The following RBFOX1 variants were observed in gnomAD, a reference collection of about 807,000 sequenced individuals.
RBFOX1 encodes RNA binding protein fox-1 homolog 1.
In RBFOX1, 8 loss-of-function variants were observed where a neutral mutation model predicts 57.7. The ratio of observed to expected loss-of-function variants is 0.14; its 90% confidence interval spans 0.08 to 0.25. RBFOX1 has a LOEUF of 0.25. Ranked by LOEUF, RBFOX1 falls within the 10% of genes least tolerant of loss-of-function variation. The probability of loss-of-function intolerance (pLI) is 1.00; values close to 1 mark genes in which losing one functional copy is unlikely to be tolerated. For missense variants in RBFOX1, 611 were observed against 548.5 expected (o/e 1.11, Z -1.14); for synonymous variants, 326 against 222.4 (o/e 1.47, Z -4.15).
At chr16:7,595,191 T>G (rs1190402602) in intron 7 of RBFOX1, among the ~76,000 whole-genome samples, 1 of 152,208 alleles carries the variant, frequency 6.6e-6, no homozygotes. Context: ...AGTGGTTCCC[T>G]TTTCTTTTCC....
chr16:5,812,654 C>T (rs1034352290), intron 3 of RBFOX1, among the ~76,000 whole-genome samples: 9 of 152,054 alleles, frequency 5.9e-5, no homozygotes, highest in Non-Finnish European at 1.3e-4. Flanking sequence ...TAGACCCGGG[C>T]TCTCCCTCTG....
chr16:6,408,669 T>G (rs1406051929), intron 2 of RBFOX1, among the ~76,000 whole-genome samples: 2 of 152,204 alleles, frequency 1.3e-5, no homozygotes, highest in Non-Finnish European at 2.9e-5. Context: ...ACCGTAGTGT[T>G]ATGTTGTCTG....
chr16:6,636,844 A>T (rs1289048632), intron 2 of RBFOX1, among the ~76,000 whole-genome samples: 25 of 71,788 alleles, frequency 3.5e-4, no homozygotes, highest in African/African-American at 7.6e-4. Flanking sequence ...ATAATATATA[A>T]TATATATAAT....
chr16:6,897,684 T>C (rs1039648652), intron 3 of RBFOX1, among the ~76,000 whole-genome samples: 8 of 151,962 alleles, frequency 5.3e-5, no homozygotes, highest in Admixed American at 1.3e-4. Flanking sequence ...TCACAGCCAG[T>C]TGGGAGCCTG....
At chr16:7,642,059 G>A (rs1039861806) in intron 11 of RBFOX1, among the ~76,000 whole-genome samples, 8 of 152,168 alleles carry the variant, frequency 5.3e-5, no homozygotes, top group Non-Finnish European at 7.3e-5. Context: ...AGATTGCAGT[G>A]ATCCATGACC....
intron 3 of RBFOX1, among the ~76,000 whole-genome samples, chr16:6,760,952 T>A (rs2076517428): frequency 6.6e-6 from 1 of 152,198 alleles, no homozygotes; most frequent in Non-Finnish European, 1.5e-5. Context: ...CGGACTGTAA[T>A]GGAGAGATCT....
chr16:7,392,231 G>T (rs1195051959), intron 4 of RBFOX1, among the ~76,000 whole-genome samples: 4 of 152,028 alleles, frequency 2.6e-5, no homozygotes, highest in African/African-American at 7.2e-5. Flanking sequence ...TTTCATGGAA[G>T]CCCTCCCTCC....
At chr16:7,641,897 G>C (rs551675356) in intron 11 of RBFOX1, among the ~76,000 whole-genome samples, 1 of 152,228 alleles carries the variant, frequency 6.6e-6, no homozygotes, top group African/African-American at 2.4e-5. Context: ...AGGCGTTACA[G>C]CTCCTCAAAT....
chr16:5,292,250 C>T (rs2063553112), intron 1 of RBFOX1, among the ~76,000 whole-genome samples: 2 of 152,198 alleles, frequency 1.3e-5, no homozygotes, highest in African/African-American at 2.4e-5. Flanking sequence ...GGTTGACTCC[C>T]AGCTTGCTTT....
chr16:5,678,268 G>A lies in RBFOX1; in HGVS notation c.318+79307G>A, dbSNP rs545595900. ...CCAGCCAGTCAGTGTCCTCTGAAGA[G>A]GGCAGTGCAGTCTGAATTAGACTGT... On this transcript the variant is annotated intron_variant, in intron 3 of 19. Coordinates refer to the RBFOX1 transcript ENST00000641259. Among the ~76,000 whole-genome samples, 3 of 152,294 alleles carry A rather than the reference G, an allele frequency of 2.0e-5. No homozygotes were observed. In the East Asian group the frequency reaches 5.8e-4, roughly 29 times the overall value.
In RBFOX1 at chr16:6,418,816, A is replaced by T. The variant is rs561901133; in HGVS notation, c.-64+101759A>T. 2.6e-5 allele frequency among the ~76,000 whole-genome samples: 4 copies of T among 152,286 alleles called. No individual in the cohort carries two copies. In the South Asian group the frequency reaches 8.3e-4, roughly 32 times the overall value. On this transcript the variant is annotated intron_variant, in intron 2 of 15. Coordinates refer to ENST00000550418, the MANE Select transcript of RBFOX1 (RefSeq NM_018723.4). ...TATGCTGGGATTACAGGCATGAGCC[A>T]CCACGTCTGGCCCTTCATGCAAGTT...
At chr16:6,243,295 C>G (rs2097549921) in intron 1 of RBFOX1, among the ~76,000 whole-genome samples, 1 of 152,092 alleles carries the variant, frequency 6.6e-6, no homozygotes, top group Non-Finnish European at 1.5e-5. Context: ...GTTCTTTGTA[C>G]TTTCAAAGAA....
chr16:6,241,233 T>C (rs2097538620), intron 1 of RBFOX1, among the ~76,000 whole-genome samples: 2 of 152,198 alleles, frequency 1.3e-5, no homozygotes, highest in Admixed American at 1.3e-4. Context: ...TAATGTGCAA[T>C]GAAGCCATGC....
chr16:6,494,538 G>A (rs2095712547), intron 2 of RBFOX1, among the ~76,000 whole-genome samples: 1 of 152,212 alleles, frequency 6.6e-6, no homozygotes, highest in Non-Finnish European at 1.5e-5. Context: ...TGTTACATCA[G>A]TAATTTTGCA....
At chr16:7,473,264 G>C (rs890874697) in intron 4 of RBFOX1, among the ~76,000 whole-genome samples, 1 of 151,900 alleles carries the variant, frequency 6.6e-6, no homozygotes, top group East Asian at 1.9e-4. Flanking sequence ...TGTAATCCCA[G>C]CTACTCAGGA....
intron 3 of RBFOX1, among the ~76,000 whole-genome samples, chr16:5,727,366 T>C (rs952622314): frequency 6.6e-6 from 1 of 152,224 alleles, no homozygotes; most frequent in Non-Finnish European, 1.5e-5. Flanking sequence ...ATTTAATGAC[T>C]GACAAATAAA....
chr16:5,602,052 A>C (rs919441966), downstream of RBFOX1, among the ~76,000 whole-genome samples: 5 of 152,154 alleles, frequency 3.3e-5, no homozygotes, highest in African/African-American at 1.2e-4. Context: ...AGTTGCCTTA[A>C]CCTGCTCCTC....
intron 3 of RBFOX1, among the ~76,000 whole-genome samples, chr16:6,852,412 C>A (rs76507729): frequency 0.017 from 2,664 of 152,288 alleles, 90 homozygotes; most frequent in African/African-American, 0.06. Context: ...TATTTCCTTA[C>A]AAAGTTTATA....
chr16:5,467,347 C>A, intron 2 of RBFOX1: 1 of 1,239,736 alleles, frequency 8.1e-7, no homozygotes, highest in East Asian at 2.5e-5. Context: ...CCTGCAACTT[C>A]ACTGCCCAGG....
Sources: gnomAD v4.1 joint callset for allele counts (sites outside exome capture counted in the v4.1 genomes callset) on GRCh38, gnomAD v4.1.1 for gene constraint, MANE v1.5 for transcripts, NCBI Gene and HGNC (gene_info 2026-07-23, HGNC 2026-07-21) for gene names.